The following INTS15 variants were observed in gnomAD, a reference collection of about 807,000 sequenced individuals.
INTS15 encodes integrator complex subunit 15.
chr7:6,600,125 A>G, the INTS15 span: 4 of 1,614,180 alleles, frequency 2.5e-6, no homozygotes, highest in Non-Finnish European at 3.4e-6. Flanking sequence ...ACTCCACCTC[A>G]GCGTCCTGCA....
the INTS15 span, chr7:6,600,384 T>C: frequency 1.9e-6 from 3 of 1,590,858 alleles, no homozygotes; most frequent in Non-Finnish European, 2.6e-6. Context: ...CCAGGCCTCC[T>C]GGTGCGGGGA....
the INTS15 span, chr7:6,599,861 A>G: frequency 2.5e-6 from 4 of 1,614,074 alleles, no homozygotes; most frequent in South Asian, 1.1e-5. Context: ...CTTGCTTGAA[A>G]TGATTGTCAC....
the INTS15 span, chr7:6,601,991 A>T: frequency 1.1e-6 from 1 of 930,864 alleles, no homozygotes; most frequent in Non-Finnish European, 1.7e-6. Flanking sequence ...AGGGAAATGT[A>T]GTATGAGGCG....
At chr7:6,603,569 C>T in the INTS15 span, among the ~76,000 whole-genome samples, 4 of 149,718 alleles carry the variant, frequency 2.7e-5, no homozygotes, top group Admixed American at 6.7e-5. Context: ...AGGCTGGGCA[C>T]GGCTCACAAC....
the INTS15 span, among the ~76,000 whole-genome samples, chr7:6,592,325 G>C: frequency 6.6e-6 from 1 of 151,930 alleles, no homozygotes; most frequent in Non-Finnish European, 1.5e-5. Flanking sequence ...CAGCACTTTG[G>C]GAGGCCGAAG....
At chr7:6,593,622 C>T in the INTS15 span, among the ~76,000 whole-genome samples, 1 of 150,912 alleles carries the variant, frequency 6.6e-6, no homozygotes. Context: ...GGATGAGCCA[C>T]CACACCCAGT....
At chr7:6,600,386 G>T in the INTS15 span, 1 of 1,588,424 alleles carries the variant, frequency 6.3e-7, no homozygotes. Context: ...AGGCCTCCTG[G>T]TGCGGGGACA....
the INTS15 span, among the ~76,000 whole-genome samples, chr7:6,604,768 G>T: frequency 2.0e-5 from 3 of 152,188 alleles, no homozygotes; most frequent in African/African-American, 7.2e-5. Flanking sequence ...TTGTGTGGGG[G>T]TTGGGGACTC....
At chr7:6,607,123 G>A in the INTS15 span, among the ~76,000 whole-genome samples, 1 of 152,116 alleles carries the variant, frequency 6.6e-6, no homozygotes. The surrounding 1 kb of genome is among the most constrained non-coding windows in gnomAD (Gnocchi z 6.0). Context: ...AGTTCTGGGG[G>A]GTTGGGGGAT....
At chr7:6,608,059 C>T in the INTS15 span, 7 of 1,597,966 alleles carry the variant, frequency 4.4e-6, no homozygotes, top group East Asian at 6.7e-5. Context: ...CGCTGGGCTA[C>T]GGGGCTGTCC....
At chr7:6,602,395 T>C in the INTS15 span, 1 of 497,668 alleles carries the variant, frequency 2.0e-6, no homozygotes, top group African/African-American at 1.9e-5. Context: ...GGTGCACCTG[T>C]TGAGTGGTGG....
the INTS15 span, among the ~76,000 whole-genome samples, chr7:6,607,360 T>C: frequency 6.6e-6 from 1 of 150,894 alleles, no homozygotes; most frequent in Admixed American, 6.6e-5. The surrounding 1 kb of genome is among the most constrained non-coding windows in gnomAD (Gnocchi z 6.0). Context: ...CTTGCAGCTG[T>C]TCTCGGAGCC....
chr7:6,591,783 G>T, the INTS15 span: 5,244 of 1,614,110 alleles, frequency 3.2e-3, 116 homozygotes, highest in African/African-American at 0.056. Flanking sequence ...ATGACAGCCG[G>T]ATGAGCTTGT....
chr7:6,608,114 C>T, the INTS15 span: 1 of 1,568,396 alleles, frequency 6.4e-7, no homozygotes, highest in East Asian at 2.3e-5. Flanking sequence ...GCATCCCGGC[C>T]ACACCTTCAT....
chr7:6,592,124 TG>T, the INTS15 span, among the ~76,000 whole-genome samples: 1 of 151,742 alleles, frequency 6.6e-6, no homozygotes, highest in Admixed American at 6.6e-5. Context: ...TGAGCTGAGA[TG>T]GTGCCATTGC....
chr7:6,593,898 G>A, the INTS15 span, among the ~76,000 whole-genome samples: 3 of 151,752 alleles, frequency 2.0e-5, no homozygotes, highest in African/African-American at 7.3e-5. Flanking sequence ...TGATCCTCCC[G>A]CCTCGGCCTC....
chr7:6,600,301 G>C, the INTS15 span: 2 of 1,614,052 alleles, frequency 1.2e-6, no homozygotes, highest in Non-Finnish European at 1.7e-6. Flanking sequence ...CGCTGGACCG[G>C]CTGGCGCAGG....
the INTS15 span, among the ~76,000 whole-genome samples, chr7:6,604,149 C>T: frequency 6.6e-6 from 1 of 152,166 alleles, no homozygotes. Context: ...GATCTCGGCT[C>T]ACTGCAAGCC....
chr7:6,594,728 T>A, the INTS15 span: 2 of 881,784 alleles, frequency 2.3e-6, no homozygotes, highest in Non-Finnish European at 3.3e-6. Flanking sequence ...TGTATATTTT[T>A]ATTTTTATTA....
Sources: gnomAD v4.1 joint callset for allele counts (sites outside exome capture counted in the v4.1 genomes callset) on GRCh38, gnomAD v4.1.1 for gene constraint, Gnocchi (gnomAD v3.1) non-coding constraint, MANE v1.5 for transcripts, NCBI Gene and HGNC (gene_info 2026-07-23, HGNC 2026-07-21) for gene names.